The following DPT variants were observed in gnomAD, a reference collection of about 807,000 sequenced individuals.
DPT encodes the protein tyrosine-rich acidic matrix protein.
DPT carries 21 observed loss-of-function variants against 31.2 expected under a neutral mutation model. That is an observed-to-expected ratio of 0.67 (90% confidence interval 0.48 to 0.97). The LOEUF (loss-of-function observed/expected upper bound fraction) is 0.97. Ranked by LOEUF, DPT falls within the 50% of genes least tolerant of loss-of-function variation. The pLI is 0.00. For synonymous variants in DPT, 91 were observed against 86.9 expected (o/e 1.05, Z -0.26); for missense variants, 262 against 258.8 (o/e 1.01, Z -0.08).
rs1211565718 is a variant in DPT, at chr1:168,729,040, G to A, written c.135C>T (p.Gly45=). The change falls in exon 1 of 4, where the codon GGC becomes GGT. Residue 45 remains glycine (G), a synonymous_variant. Coordinates refer to ENST00000367817, the MANE Select transcript of DPT (RefSeq NM_001937.5). Reference sequence around the variant, plus strand: ...GCCCCTGGGGACACTGGTAGCTGAAGCCTTGCCGGTTCAAATTCACCCACC... The same window carrying A: ...GCCCCTGGGGACACTGGTAGCTGAAACCTTGCCGGTTCAAATTCACCCACC... The part of the protein sequence containing the change: ...DDGWVNLNRQ[G]FSYQCPQGQV... 1 of 1,614,218 alleles carries A rather than the reference G, an allele frequency of 6.2e-7. No homozygotes were observed. The highest frequency in any genetic ancestry group is 2.2e-5 in the East Asian group (1 of 44,886).
chr1:168,722,032 C>T (rs1349682862), intron 1 of DPT, among the ~76,000 whole-genome samples: 2 of 152,088 alleles, frequency 1.3e-5, no homozygotes, highest in Admixed American at 6.5e-5. Flanking sequence ...ATACAAATTC[C>T]TCAGGTTTTT....
chr1:168,726,439 A>G (rs759157272), intron 1 of DPT, among the ~76,000 whole-genome samples: 13 of 152,258 alleles, frequency 8.5e-5, no homozygotes, highest in Admixed American at 2.0e-4. Flanking sequence ...GAAAAAGCCA[A>G]GAGTGTTTTC....
chr1:168,713,914 G>A (rs1260230864), intron 2 of DPT, among the ~76,000 whole-genome samples: 2 of 152,084 alleles, frequency 1.3e-5, no homozygotes, highest in Non-Finnish European at 2.9e-5. Flanking sequence ...CACTGGGATG[G>A]GAGTCATTAG....
At chr1:168,728,358 C>T (rs1650294006) in intron 1 of DPT, among the ~76,000 whole-genome samples, 1 of 152,172 alleles carries the variant, frequency 6.6e-6, no homozygotes, top group Middle Eastern at 3.2e-3. Flanking sequence ...TTCACTTGCT[C>T]TAAATCAATA....
At chr1:168,707,853 C>T (rs564832372) in intron 2 of DPT, among the ~76,000 whole-genome samples, 2 of 152,206 alleles carry the variant, frequency 1.3e-5, no homozygotes, top group South Asian at 4.2e-4. Context: ...CCTCCCCAGC[C>T]CTGTGGAACT....
intron 2 of DPT, among the ~76,000 whole-genome samples, chr1:168,707,709 G>T (rs56324303): frequency 6.6e-6 from 1 of 152,158 alleles, no homozygotes; most frequent in Non-Finnish European, 1.5e-5. Flanking sequence ...CTGTTCTCAT[G>T]ATCGTGAGTG....
Position 168,729,182 on chromosome 1 carries a change from G to T in DPT, c.-8C>A, listed in dbSNP as rs1189239905. On this transcript the variant is annotated 5_prime_UTR_variant, in exon 1 of 4. Transcript: ENST00000367817. ...GAGAAGACTGAGGTCCATGCTGCCT[G>T]GGATTTTGGCAAACAATGTCACTCT... 2 of 1,609,070 alleles carry T rather than the reference G, an allele frequency of 1.2e-6. No individual in the cohort carries two copies. The highest frequency in any genetic ancestry group is 2.7e-5 in the African/African-American group (2 of 74,816).
chr1:168,696,633 A>G lies in DPT; in HGVS notation c.540-18T>C, dbSNP rs2101896858. The G allele has an allele frequency of 6.2e-7, 1 of 1,611,820 alleles. No homozygotes were observed. Among genetic ancestry groups the G allele is most frequent in the African/African-American group, 1.3e-5 (1 of 75,014 alleles). On this transcript the variant is annotated intron_variant, in intron 3 of 3. Coordinates refer to ENST00000367817, the MANE Select transcript of DPT (RefSeq NM_001937.5). The stretch of plus-strand genomic sequence containing the variant: ...GGCGATCCCTGTGGGAGGGAGAGTC[A>G]GAAAATGAATGTCAGTGAGAAAGGA...
intron 1 of DPT, among the ~76,000 whole-genome samples, chr1:168,725,254 T>TTTCCTTTCCTTTTCTTTC: frequency 2.9e-5 from 1 of 33,914 alleles, no homozygotes; most frequent in Middle Eastern, 0.029. Context: ...CTTTCCTTTC[T>TTTCCTTTCCTTTTCTTTC]CTTTCCCTTC....
At chr1:168,714,367 G>A in intron 1 of DPT, 21 bp from the exon 2 acceptor site, 1 of 1,613,990 alleles carries the variant, frequency 6.2e-7, no homozygotes, top group South Asian at 1.1e-5. Flanking sequence ...GACAACCCCA[G>A]GAACCTAAGA....
chr1:168,707,653 A>G (rs656529), intron 2 of DPT, among the ~76,000 whole-genome samples: 117,585 of 152,110 alleles, frequency 0.77, 46,189 homozygotes, highest in African/African-American at 0.92. Context: ...GTCATGGAAG[A>G]GACCCAGTGG....
intron 1 of DPT, among the ~76,000 whole-genome samples, chr1:168,722,055 A>G (rs4656614): frequency 0.17 from 25,930 of 152,186 alleles, 2,655 homozygotes; most frequent in Non-Finnish European, 0.22. Flanking sequence ...GGAAAAATAC[A>G]GGCAGGAGAG....
chr1:168,723,814 C>A (rs1332603444), intron 1 of DPT, among the ~76,000 whole-genome samples: 2 of 152,156 alleles, frequency 1.3e-5, no homozygotes, highest in Non-Finnish European at 2.9e-5. Context: ...ATTTGTGCTG[C>A]ATCCTTATAT....
At chr1:168,709,850 G>C (rs947114797) in intron 2 of DPT, among the ~76,000 whole-genome samples, 1 of 152,194 alleles carries the variant, frequency 6.6e-6, no homozygotes, top group Non-Finnish European at 1.5e-5. Flanking sequence ...GCAGGAAAAA[G>C]AGTTCTCACT....
intron 3 of DPT, among the ~76,000 whole-genome samples, chr1:168,699,860 A>T (rs1023032951): frequency 7.9e-5 from 12 of 152,088 alleles, no homozygotes; most frequent in African/African-American, 2.9e-4. Context: ...TTACCCACAC[A>T]TTTCTCTATA....
At chr1:168,705,535 C>A (rs964995351) in intron 2 of DPT, among the ~76,000 whole-genome samples, 12 of 152,308 alleles carry the variant, frequency 7.9e-5, no homozygotes, top group African/African-American at 2.9e-4. Context: ...CTGAGGAAGC[C>A]ATACTTCAGC....
At position 168,696,472 on chromosome 1, in the gene DPT, C is replaced by T; in HGVS notation, c.*77G>A. ...GCAGCAGAAACTTCTATAGGAGATC[C>T]AACTGATGTTAACATATGTGGACAC... is the stretch of plus-strand genomic sequence containing the variant. On this transcript the variant is annotated 3_prime_UTR_variant, in exon 4 of 4. Coordinates refer to ENST00000367817, the MANE Select transcript of DPT (RefSeq NM_001937.5). The T allele has an allele frequency of 7.8e-7, 1 of 1,286,816 alleles. No homozygotes were observed. Among genetic ancestry groups the T allele is most frequent in the African/African-American group, 1.5e-5 (1 of 67,050 alleles). 79.7% of individuals were successfully genotyped at this position (1,286,816 alleles called of 1,614,324 possible).
chr1:168,706,051 G>A (rs891670357), intron 2 of DPT, among the ~76,000 whole-genome samples: 2 of 152,130 alleles, frequency 1.3e-5, no homozygotes, highest in African/African-American at 4.8e-5. Context: ...GCCCAGTCTC[G>A]GGTATGTCTT....
chr1:168,712,643 C>T (rs888534361), intron 2 of DPT, among the ~76,000 whole-genome samples: 7 of 152,162 alleles, frequency 4.6e-5, no homozygotes, highest in African/African-American at 7.2e-5. Flanking sequence ...AGGGCGCACT[C>T]GTCTTTGGAA....
Sources: allele counts gnomAD v4.1 joint callset (sites outside exome capture counted in the v4.1 genomes callset), GRCh38; gene constraint gnomAD v4.1.1; transcripts MANE v1.5; gene names NCBI Gene and HGNC (gene_info 2026-07-23, HGNC 2026-07-21).